The following WDPCP variants were observed in gnomAD, a reference collection of about 807,000 sequenced individuals.
WDPCP encodes WD repeat-containing and planar cell polarity effector protein fritz homolog.
A neutral mutation model predicts 93.1 loss-of-function variants in WDPCP; 71 were observed. The ratio of observed to expected loss-of-function variants is 0.76; its 90% confidence interval spans 0.63 to 0.93. The LOEUF is 0.93. WDPCP is among the 40% of genes least tolerant of loss of function. WDPCP has a pLI of 0.00. For synonymous variants in WDPCP, 315 were observed against 315.0 expected, an observed-to-expected ratio of 1.00 and a Z score of 0.00; for missense variants, 844 against 887.4, an observed-to-expected ratio of 0.95 and a Z score of 0.62.
At chr2:63,537,552 T>A (rs186270229) in intron 1 of WDPCP, among the ~76,000 whole-genome samples, 4 of 152,284 alleles carry the variant, frequency 2.6e-5, no homozygotes, top group African/African-American at 9.6e-5. Flanking sequence ...AGTCTTAGGG[T>A]CCTATGAGTC....
At chr2:63,223,672 T>A (rs1482405149) in intron 14 of WDPCP, among the ~76,000 whole-genome samples, 5 of 152,166 alleles carry the variant, frequency 3.3e-5, no homozygotes, top group African/African-American at 1.2e-4. Context: ...ATTGGCCCTC[T>A]GCTTCTAAAC....
At chr2:63,216,860 TA>T (rs1209625588) in intron 14 of WDPCP, among the ~76,000 whole-genome samples, 1 of 152,218 alleles carries the variant, frequency 6.6e-6, no homozygotes, top group Non-Finnish European at 1.5e-5. Context: ...TGTTTTCTAC[TA>T]AGGACTACTA....
At chr2:63,688,684 T>C (rs1217583958) in intron 2 of WDPCP, among the ~76,000 whole-genome samples, 1 of 152,144 alleles carries the variant, frequency 6.6e-6, no homozygotes, top group African/African-American at 2.4e-5. Flanking sequence ...GATACCCCCA[T>C]TACCCTGATA....
chr2:63,133,341 G>T (rs890820291), intron 17 of WDPCP, among the ~76,000 whole-genome samples: 4 of 152,220 alleles, frequency 2.6e-5, no homozygotes, highest in African/African-American at 9.6e-5. Flanking sequence ...TCCTAGCAGA[G>T]ATCTGAGTTA....
At chr2:63,363,738 A>G (rs1690671909) in intron 12 of WDPCP, among the ~76,000 whole-genome samples, 1 of 52,212 alleles carries the variant, frequency 1.9e-5, no homozygotes, top group East Asian at 3.1e-3. Flanking sequence ...TAGGAAGAAT[A>G]TATTTTTTTA....
At chr2:63,796,439 C>T (rs992440198) in intron 2 of WDPCP, among the ~76,000 whole-genome samples, 3 of 152,218 alleles carry the variant, frequency 2.0e-5, no homozygotes, top group Admixed American at 6.5e-5. Context: ...GCTTTAACTT[C>T]ATATCATTGA....
chr2:63,553,642 A>C (rs2422007), intron 1 of WDPCP, among the ~76,000 whole-genome samples: 122,373 of 151,992 alleles, frequency 0.81, 49,909 homozygotes, highest in East Asian at 0.98. Context: ...TTAAAAAAAA[A>C]AAAACTTTTT....
At chr2:63,693,482 G>GATAA (rs1305695738) in intron 2 of WDPCP, among the ~76,000 whole-genome samples, 1 of 151,122 alleles carries the variant, frequency 6.6e-6, no homozygotes, top group African/African-American at 2.4e-5. Context: ...TAGATAGATA[G>GATAA]ATAGAATTTA....
At chr2:63,589,498 G>A, upstream of WDPCP, 1 of 1,000,690 alleles carries the variant, frequency 1.0e-6, no homozygotes. Context: ...TGGAAAGGTA[G>A]TATTTACCAG....
chr2:63,705,391 G>A (rs1669132187), intron 2 of WDPCP, among the ~76,000 whole-genome samples: 1 of 152,048 alleles, frequency 6.6e-6, no homozygotes, highest in African/African-American at 2.4e-5. Context: ...TTGTGATGTA[G>A]GGTGTCAATT....
At chr2:63,368,176 G>GAGTT (rs1219425013) in intron 12 of WDPCP, among the ~76,000 whole-genome samples, 1 of 152,082 alleles carries the variant, frequency 6.6e-6, no homozygotes, top group Non-Finnish European at 1.5e-5. Flanking sequence ...CAAAAGAAAT[G>GAGTT]AGTTGTACTT....
intron 1 of WDPCP, among the ~76,000 whole-genome samples, chr2:63,497,111 C>CAAAAAAAAAAA (rs10667775): frequency 2.8e-5 from 2 of 72,468 alleles, no homozygotes; most frequent in African/African-American, 1.1e-4. Context: ...GACTCCATCT[C>CAAAAAAAAAAA]AAAAAAAAAA....
chr2:63,202,662 G>A (rs765476594), intron 14 of WDPCP, among the ~76,000 whole-genome samples: 14 of 152,062 alleles, frequency 9.2e-5, no homozygotes, highest in Non-Finnish European at 1.5e-4. Context: ...TCCATAAAGC[G>A]TTACATCTTC....
intron 12 of WDPCP, among the ~76,000 whole-genome samples, chr2:63,345,687 G>T (rs907418840): frequency 6.6e-6 from 1 of 152,122 alleles, no homozygotes; most frequent in Admixed American, 6.6e-5. Flanking sequence ...CTAAAGTCAG[G>T]GAACTGCTTA....
intron 17 of WDPCP, among the ~76,000 whole-genome samples, chr2:63,151,664 G>A (rs369242357): frequency 2.6e-5 from 4 of 152,104 alleles, no homozygotes; most frequent in East Asian, 1.9e-4. Flanking sequence ...GTAATATGGC[G>A]TATTTCCCTC....
intron 2 of WDPCP, among the ~76,000 whole-genome samples, chr2:63,733,679 AG>A: frequency 6.6e-6 from 1 of 152,348 alleles, no homozygotes; most frequent in East Asian, 1.9e-4. Context: ...TGTACTTGTC[AG>A]TGCTGGCTGG....
chr2:63,779,724 G>A (rs565631206), intron 2 of WDPCP, among the ~76,000 whole-genome samples: 2 of 152,250 alleles, frequency 1.3e-5, no homozygotes, highest in African/African-American at 4.8e-5. Flanking sequence ...ATTCTTGAGT[G>A]CAAAGAGAGG....
At chr2:63,507,228 A>C (rs901758708) in intron 1 of WDPCP, among the ~76,000 whole-genome samples, 1 of 152,124 alleles carries the variant, frequency 6.6e-6, no homozygotes, top group South Asian at 2.1e-4. Context: ...ACTGGAGATA[A>C]ATAAAATATA....
intron 14 of WDPCP, among the ~76,000 whole-genome samples, chr2:63,191,756 T>C (rs757284648): frequency 3.9e-5 from 6 of 152,250 alleles, no homozygotes; most frequent in Non-Finnish European, 7.3e-5. Flanking sequence ...ATCTGTTTTT[T>C]TTATGGCCCA....
Sources: gnomAD v4.1 joint callset for allele counts (sites outside exome capture counted in the v4.1 genomes callset) on GRCh38, gnomAD v4.1.1 for gene constraint, MANE v1.5 for transcripts, NCBI Gene and HGNC (gene_info 2026-07-23, HGNC 2026-07-21) for gene names.